Variants in KLF12 observed in about 807,000 individuals in gnomAD.
KLF12 encodes KLF transcription factor 12, also known as Krueppel-like factor 12.
Under a neutral mutation model 37.8 loss-of-function variants are expected in KLF12, and 9 were observed. That is an observed-to-expected ratio of 0.24 (90% confidence interval 0.14 to 0.42). KLF12 has a LOEUF of 0.42. KLF12 is among the 10% of genes least tolerant of loss of function. The probability of loss-of-function intolerance (pLI) is 1.00; values close to 1 mark genes in which losing one functional copy is unlikely to be tolerated. For synonymous variants in KLF12, 208 were observed against 202.1 expected (o/e 1.03, Z -0.25); for missense variants, 411 against 516.0 (o/e 0.80, Z 1.97).
At chr13:74,275,114 G>A in the KLF12 span, among the ~76,000 whole-genome samples, 1 of 152,182 alleles carries the variant, frequency 6.6e-6, no homozygotes, top group African/African-American at 2.4e-5. Flanking sequence ...GATTTTGGGG[G>A]AAATTGTTCA....
the KLF12 span, among the ~76,000 whole-genome samples, chr13:74,270,964 C>T: frequency 5.9e-5 from 9 of 152,104 alleles, no homozygotes; most frequent in Middle Eastern, 3.2e-3. Context: ...AGGCTGGTAC[C>T]GGTTCATGGC....
chr13:73,722,840 T>C (rs1876370193), intron 6 of KLF12, among the ~76,000 whole-genome samples: 1 of 152,220 alleles, frequency 6.6e-6, no homozygotes, highest in Non-Finnish European at 1.5e-5. Context: ...TTTACTTTAA[T>C]AAACAAAGTT....
At chr13:74,189,003 A>C in the KLF12 span, among the ~76,000 whole-genome samples, 9 of 152,156 alleles carry the variant, frequency 5.9e-5, no homozygotes, top group Admixed American at 5.9e-4. Context: ...AACCTGTCTC[A>C]AAAACAAAAA....
At chr13:74,111,483 T>G (rs1222694237) in intron 1 of KLF12, among the ~76,000 whole-genome samples, 1 of 152,212 alleles carries the variant, frequency 6.6e-6, no homozygotes. Flanking sequence ...TCAATTTACC[T>G]TCAGAGAATT....
chr13:74,077,140 G>A (rs1305845956), intron 1 of KLF12, among the ~76,000 whole-genome samples: 1 of 152,102 alleles, frequency 6.6e-6, no homozygotes, highest in African/African-American at 2.4e-5. Context: ...AGAATAATTT[G>A]TATTCCTCTG....
chr13:74,022,286 C>A (rs1016735691), intron 1 of KLF12, among the ~76,000 whole-genome samples: 64 of 152,174 alleles, frequency 4.2e-4, no homozygotes, highest in African/African-American at 1.5e-3. Context: ...TCACATAATA[C>A]GGGGGCAACA....
chr13:73,962,201 G>A (rs1019499894), intron 2 of KLF12, among the ~76,000 whole-genome samples: 2 of 152,100 alleles, frequency 1.3e-5, no homozygotes, highest in Non-Finnish European at 2.9e-5. Flanking sequence ...GCATATTACT[G>A]AGTGAAAAAT....
intron 1 of KLF12, among the ~76,000 whole-genome samples, chr13:74,021,568 G>C (rs914491886): frequency 6.6e-6 from 1 of 152,104 alleles, no homozygotes; most frequent in East Asian, 1.9e-4. Flanking sequence ...GCATGGGAGA[G>C]CTGACTGCAC....
At chr13:74,280,831 T>TC in the KLF12 span, among the ~76,000 whole-genome samples, 5 of 145,064 alleles carry the variant, frequency 3.4e-5, no homozygotes, top group African/African-American at 1.3e-4. Flanking sequence ...TTTTCTTTTT[T>TC]TTTTTTTTTT....
At chr13:74,048,283 G>A (rs147087508) in intron 1 of KLF12, among the ~76,000 whole-genome samples, 10 of 152,294 alleles carry the variant, frequency 6.6e-5, no homozygotes, top group Middle Eastern at 6.8e-3. Context: ...CACACACAAT[G>A]AAAATTCTAT....
chr13:74,162,319 A>C, the KLF12 span, among the ~76,000 whole-genome samples: 1 of 152,206 alleles, frequency 6.6e-6, no homozygotes, highest in African/African-American at 2.4e-5. Flanking sequence ...ACTACAAAGG[A>C]AGCCTCTTGT....
At chr13:73,895,110 G>A (rs143594549) in intron 3 of KLF12, among the ~76,000 whole-genome samples, 2 of 152,246 alleles carry the variant, frequency 1.3e-5, no homozygotes, top group East Asian at 3.9e-4. Context: ...ACTTGAATCT[G>A]TGGTTTCCCC....
the KLF12 span, among the ~76,000 whole-genome samples, chr13:74,154,622 C>A: frequency 2.0e-5 from 3 of 149,660 alleles, no homozygotes; most frequent in Non-Finnish European, 4.5e-5. Context: ...GGGCAAGTGT[C>A]TTTGCTTAGG....
chr13:74,057,827 G>C (rs1873333234), intron 1 of KLF12, among the ~76,000 whole-genome samples: 1 of 152,124 alleles, frequency 6.6e-6, no homozygotes, highest in South Asian at 2.1e-4. Flanking sequence ...AAAGGGAGAA[G>C]AGAAAGATGA....
At chr13:73,858,419 T>A (rs756384942) in intron 3 of KLF12, among the ~76,000 whole-genome samples, 1 of 152,214 alleles carries the variant, frequency 6.6e-6, no homozygotes, top group Non-Finnish European at 1.5e-5. Flanking sequence ...TGAAGGTATG[T>A]GATTCTAGTT....
At chr13:73,748,125 A>T (rs552871886) in intron 6 of KLF12, among the ~76,000 whole-genome samples, 1 of 152,292 alleles carries the variant, frequency 6.6e-6, no homozygotes, top group Admixed American at 6.5e-5. Context: ...TGAATTATTT[A>T]CCACCAATAT....
At chr13:74,197,103 C>A in the KLF12 span, among the ~76,000 whole-genome samples, 1 of 151,988 alleles carries the variant, frequency 6.6e-6, no homozygotes, top group Admixed American at 6.6e-5. Flanking sequence ...AGATCTCAGA[C>A]AACTCAGAAT....
chr13:74,222,867 A>G, the KLF12 span, among the ~76,000 whole-genome samples: 4 of 152,362 alleles, frequency 2.6e-5, no homozygotes, highest in African/African-American at 7.2e-5. Context: ...AGAACCTAGT[A>G]CAGTGCCTGG....
intron 1 of KLF12, among the ~76,000 whole-genome samples, chr13:74,033,689 C>T (rs1893171770): frequency 6.6e-6 from 1 of 152,086 alleles, no homozygotes. Context: ...TAACTATCTC[C>T]CTATTACACA....
Sources: allele counts gnomAD v4.1 joint callset (sites outside exome capture counted in the v4.1 genomes callset), GRCh38; gene constraint gnomAD v4.1.1; transcripts MANE v1.5; gene names NCBI Gene and HGNC (gene_info 2026-07-23, HGNC 2026-07-21).